Variants in PTPRC observed in about 807,000 individuals in gnomAD.
PTPRC encodes the protein protein tyrosine phosphatase receptor type C, also known as receptor-type tyrosine-protein phosphatase C.
A neutral mutation model predicts 155.9 loss-of-function variants in PTPRC; 44 were observed. The observed-to-expected ratio is 0.28, with a 90% CI of 0.22 to 0.36. The LOEUF (loss-of-function observed/expected upper bound fraction) is 0.36, where lower values mean the gene tolerates loss of function less well. Among genes scored for constraint, PTPRC ranks in the 10% least tolerant of loss-of-function variants. The pLI is 1.00. For missense variants in PTPRC, 1,401 were observed against 1,564.6 expected, an observed-to-expected ratio of 0.90 and a Z score of 1.76; for synonymous variants, 525 against 533.1, an observed-to-expected ratio of 0.98 and a Z score of 0.21.
At chr1:198,674,165 G>T (rs959553772) in intron 2 of PTPRC, among the ~76,000 whole-genome samples, 8 of 152,080 alleles carry the variant, frequency 5.3e-5, no homozygotes, top group Admixed American at 2.6e-4. Context: ...AGCCTCTTTG[G>T]CTTAGAGGTA....
In PTPRC at chr1:198,737,347, T is replaced by C. The variant is rs1051426467; in HGVS notation, c.2403+2095T>C. On this transcript the variant is annotated intron_variant, in intron 23 of 32. Coordinates refer to ENST00000442510, the MANE Select transcript of PTPRC (RefSeq NM_002838.5). Reference sequence around the variant, plus strand: ...AGGTCTTAGATCTAAGTCTAATCCATTTTTTTTATTTAATGTTTGTATACA... The same window carrying C: ...AGGTCTTAGATCTAAGTCTAATCCACTTTTTTTATTTAATGTTTGTATACA... 3.0e-5 allele frequency among the ~76,000 whole-genome samples: 3 copies of C among 101,466 alleles called. 1 individual carries two copies. Among genetic ancestry groups the C allele is most frequent in the African/African-American group, 4.9e-5 (1 of 20,590 alleles). The allele number at this position is 101,466 out of a possible 152,430, so 66.6% of individuals were successfully genotyped here.
chr1:198,642,907 C>CCTTTCTTTCTTTCTTT (rs550706909), intron 2 of PTPRC, among the ~76,000 whole-genome samples: 3 of 93,678 alleles, frequency 3.2e-5, no homozygotes, highest in African/African-American at 8.3e-5. Context: ...TTTCTTTCTT[C>CCTTTCTTTCTTTCTTT]CTTTCTTTCT....
intron 11 of PTPRC, among the ~76,000 whole-genome samples, chr1:198,710,966 T>C (rs1007550036): frequency 2.0e-5 from 3 of 152,318 alleles, no homozygotes; most frequent in South Asian, 2.1e-4. Context: ...GCAATTCTCC[T>C]GCCTCGGCCT....
At chr1:198,663,557 T>C (rs1300247974) in intron 2 of PTPRC, among the ~76,000 whole-genome samples, 2 of 152,234 alleles carry the variant, frequency 1.3e-5, no homozygotes, top group Admixed American at 6.5e-5. Flanking sequence ...GACCTGGACA[T>C]TGGAGACCTG....
intron 2 of PTPRC, among the ~76,000 whole-genome samples, chr1:198,689,255 G>A (rs1443526921): frequency 6.6e-6 from 1 of 152,068 alleles, no homozygotes; most frequent in Non-Finnish European, 1.5e-5. Flanking sequence ...CATATACGTA[G>A]TCTGATGAAT....
intron 12 of PTPRC, among the ~76,000 whole-genome samples, chr1:198,714,466 A>T (rs1264494884): frequency 1.3e-5 from 2 of 152,142 alleles, no homozygotes; most frequent in Non-Finnish European, 2.9e-5. Flanking sequence ...TGTTACCCAA[A>T]TTTAACAGCT....
chr1:198,717,975 C>G lies in PTPRC; in HGVS notation c.1451-119C>G, dbSNP rs1013207321. ...TTAATTTATGTACTATCATAACTTCCTTATTTATAACCCCCAAGCTAACAC... is the reference window on the plus strand; with the variant it reads ...TTAATTTATGTACTATCATAACTTCGTTATTTATAACCCCCAAGCTAACAC... On this transcript the variant is annotated intron_variant, in intron 13 of 32. Coordinates refer to ENST00000442510, the MANE Select transcript of PTPRC (RefSeq NM_002838.5). 19 of 846,054 alleles carry G rather than the reference C, an allele frequency of 2.2e-5. No individual in the cohort carries two copies. In the African/African-American group the frequency reaches 3.1e-4, roughly 14 times the overall value. 52.4% of individuals were successfully genotyped at this position (846,054 alleles called of 1,614,324 possible).
intron 2 of PTPRC, among the ~76,000 whole-genome samples, chr1:198,671,074 C>T (rs943649146): frequency 1.4e-4 from 21 of 151,890 alleles, no homozygotes; most frequent in Admixed American, 3.3e-4. Flanking sequence ...TATAAATACT[C>T]ATAATCATTT....
intron 29 of PTPRC, 33 bp from the exon 30 acceptor site, chr1:198,752,216 A>G (rs571467116): frequency 1.9e-6 from 3 of 1,602,270 alleles, no homozygotes; most frequent in South Asian, 2.2e-5. Context: ...TTCAAATAGG[A>G]AACAAATTGT....
intron 2 of PTPRC, among the ~76,000 whole-genome samples, chr1:198,672,109 A>G (rs1664682906): frequency 6.6e-6 from 1 of 152,218 alleles, no homozygotes; most frequent in African/African-American, 2.4e-5. Context: ...AAAGTGAAGC[A>G]TAGTAACTAC....
Position 198,659,753 on chromosome 1 carries a change from C to T in PTPRC, c.73+20412C>T, listed in dbSNP as rs904744620. Among the ~76,000 whole-genome samples, 11 of 151,694 alleles carry T rather than the reference C, an allele frequency of 7.3e-5. No individual in the cohort carries two copies. In the East Asian group the frequency reaches 1.5e-3, roughly 21 times the overall value. ...TTTTCTATGTTGTTCAGGCTGGTCT[C>T]GAGCTCCCAACCTCAGGACCTCAGG... is the stretch of plus-strand genomic sequence containing the variant. On this transcript the variant is annotated intron_variant, in intron 2 of 32. Transcript: ENST00000442510.
At chr1:198,703,406 C>A in intron 7 of PTPRC, 34 bp downstream of exon 7, 1 of 1,609,576 alleles carries the variant, frequency 6.2e-7, no homozygotes, top group South Asian at 1.1e-5. Context: ...GCCACACCAT[C>A]CCCATGTGCC....
Position 198,731,678 on chromosome 1 carries a change from T to C in PTPRC, c.1926T>C (p.Tyr642=). 1 of 1,611,828 alleles carries C rather than the reference T, an allele frequency of 6.2e-7. No homozygotes were observed. Residue 642 remains tyrosine (Y), a synonymous_variant, in exon 18 of 33, where the codon TAT becomes TAC. Transcript: ENST00000442510. ...ATGCAGATATTTTGTTGGAAACTTA[T>C]AAGAGGAAGATTGCTGATGAAGGAA... ...PIHADILLET[Y]KRKIADEGRL...
intron 3 of PTPRC, chr1:198,694,854 C>A (rs1282467330): frequency 6.2e-6 from 6 of 964,504 alleles, no homozygotes; most frequent in South Asian, 9.7e-5. Flanking sequence ...TAAAGTTAGA[C>A]CTGATTTTAC....
At chr1:198,648,007 A>ATCACTATCT (rs1663028009) in intron 2 of PTPRC, among the ~76,000 whole-genome samples, 1 of 151,912 alleles carries the variant, frequency 6.6e-6, no homozygotes, top group Non-Finnish European at 1.5e-5. Flanking sequence ...AAATTTAAAA[A>ATCACTATCT]TCACTATCTT....
chr1:198,662,543 A>T (rs1196300880), intron 2 of PTPRC, among the ~76,000 whole-genome samples: 2 of 152,064 alleles, frequency 1.3e-5, no homozygotes, highest in African/African-American at 4.8e-5. Context: ...TATATTTTAA[A>T]CTGGAATGTT....
intron 2 of PTPRC, among the ~76,000 whole-genome samples, chr1:198,654,791 T>C (rs1392969687): frequency 1.3e-5 from 2 of 151,868 alleles, no homozygotes; most frequent in African/African-American, 4.8e-5. Context: ...TCTTAGAATT[T>C]TACAATATTT....
intron 2 of PTPRC, among the ~76,000 whole-genome samples, chr1:198,657,979 A>G (rs1663694358): frequency 6.6e-6 from 1 of 152,180 alleles, no homozygotes; most frequent in Admixed American, 6.6e-5. Flanking sequence ...ACTGTGCCCA[A>G]GCTCTGTGCA....
intron 2 of PTPRC, among the ~76,000 whole-genome samples, chr1:198,639,548 C>CA (rs912060915): frequency 2.0e-5 from 3 of 151,756 alleles, no homozygotes; most frequent in Admixed American, 1.3e-4. Flanking sequence ...TGTTTCGGGA[C>CA]AAAAAATACA....
Sources: allele counts gnomAD v4.1 joint callset (sites outside exome capture counted in the v4.1 genomes callset), GRCh38; gene constraint gnomAD v4.1.1; transcripts MANE v1.5; gene names NCBI Gene and HGNC (gene_info 2026-07-23, HGNC 2026-07-21).